Variants in MAMLD1 observed in about 807,000 individuals in gnomAD.
MAMLD1 encodes the protein mastermind-like domain-containing protein 1.
A neutral mutation model predicts 45.0 loss-of-function variants in MAMLD1; 14 were observed. That is an observed-to-expected ratio of 0.31 (90% CI 0.21 to 0.49). MAMLD1 has a LOEUF of 0.49. MAMLD1 is among the 20% of genes least tolerant of loss of function. MAMLD1 has a pLI of 0.99. For synonymous variants in MAMLD1, 254 were observed against 247.8 expected, an observed-to-expected ratio of 1.02 and a Z score of -0.24; for missense variants, 543 against 603.6, an observed-to-expected ratio of 0.90 and a Z score of 1.05.
chrX:150,500,249 A>C (rs1470162270), intron 5 of MAMLD1, among the ~76,000 whole-genome samples: 1 of 111,799 alleles, frequency 8.9e-6, no homozygotes, highest in Admixed American at 9.4e-5. Flanking sequence ...AATCATGGAG[A>C]AAGGGCATTC....
At chrX:150,446,225 AAC>A (rs2035483849) in intron 2 of MAMLD1, among the ~76,000 whole-genome samples, 1 of 112,174 alleles carries the variant, frequency 8.9e-6, no homozygotes, top group East Asian at 2.8e-4. Context: ...AAAAGCCTGC[AAC>A]ACCACCAATC....
intron 1 of MAMLD1, among the ~76,000 whole-genome samples, chrX:150,383,070 A>G (rs1239864345): frequency 8.7e-5 from 5 of 57,568 alleles, no homozygotes; most frequent in Admixed American, 1.5e-4. Context: ...ACGCCCGGCT[A>G]ATTTCTTGTA....
chrX:150,419,690 A>G (rs1408096273), intron 1 of MAMLD1, among the ~76,000 whole-genome samples: 8 of 79,546 alleles, frequency 1.0e-4, no homozygotes. Context: ...TTTCTCCTTC[A>G]CTTATGAAGC....
At chrX:150,376,516 C>A (rs1203015972) in intron 1 of MAMLD1, among the ~76,000 whole-genome samples, 6 of 110,737 alleles carry the variant, frequency 5.4e-5, no homozygotes, top group African/African-American at 2.0e-4. Flanking sequence ...AGCTTGCAAC[C>A]CACTGCTTGC....
At chrX:150,393,941 G>A (rs1266966178) in intron 1 of MAMLD1, among the ~76,000 whole-genome samples, 1 of 110,427 alleles carries the variant, frequency 9.1e-6, no homozygotes. Context: ...TGAAGTCCAG[G>A]TTATTAATTC....
intron 1 of MAMLD1, among the ~76,000 whole-genome samples, chrX:150,429,917 G>A (rs1018391771): frequency 4.6e-5 from 5 of 109,054 alleles, no homozygotes; most frequent in Admixed American, 2.9e-4. Context: ...GATGTTGAAC[G>A]TCTTTGCATG....
upstream of MAMLD1, chrX:150,361,789 C>T (rs2030999623): frequency 8.9e-6 from 1 of 112,965 alleles, no homozygotes; most frequent in South Asian, 3.6e-4. Context: ...AGTCGCTGGA[C>T]TCGGCGCCAG....
At chrX:150,450,920 C>T (rs782138589) in intron 2 of MAMLD1, among the ~76,000 whole-genome samples, 43 of 112,993 alleles carry the variant, frequency 3.8e-4, no homozygotes, top group Non-Finnish European at 6.8e-4. Context: ...GCTCCCTTTG[C>T]TCCCTCCTCC....
intron 1 of MAMLD1, among the ~76,000 whole-genome samples, chrX:150,439,413 A>T (rs1218782029): frequency 8.9e-6 from 1 of 111,917 alleles, no homozygotes; most frequent in South Asian, 3.7e-4. Context: ...ATTCAAGGTC[A>T]TGAAGATTTA....
At chrX:150,420,401 A>G (rs1357804142) in intron 1 of MAMLD1, among the ~76,000 whole-genome samples, 1 of 106,870 alleles carries the variant, frequency 9.4e-6, no homozygotes, top group Non-Finnish European at 1.9e-5. Context: ...CCCATAGCTC[A>G]GAGTAATTTG....
intron 3 of MAMLD1, among the ~76,000 whole-genome samples, chrX:150,464,132 C>T (rs868946612): frequency 2.4e-3 from 270 of 111,610 alleles, no homozygotes; most frequent in Admixed American, 4.5e-3. Context: ...AGTGGCTTGC[C>T]CACAGCCACA....
chrX:150,440,525 T>A (rs1215900372), intron 1 of MAMLD1, among the ~76,000 whole-genome samples: 1 of 111,027 alleles, frequency 9.0e-6, no homozygotes, highest in Non-Finnish European at 1.9e-5. Flanking sequence ...TGAATTTGAT[T>A]TCTTTCATAA....
intron 2 of MAMLD1, among the ~76,000 whole-genome samples, chrX:150,459,231 G>A (rs1489861183): frequency 2.7e-5 from 3 of 111,650 alleles, no homozygotes; most frequent in Admixed American, 9.5e-5. Context: ...CCCCCAGGAG[G>A]CCCTGGACCA....
At chrX:150,398,330 A>AAGG in intron 1 of MAMLD1, among the ~76,000 whole-genome samples, 1 of 82,994 alleles carries the variant, frequency 1.2e-5, no homozygotes, top group Non-Finnish European at 2.5e-5. Flanking sequence ...GAAGAAGAAG[A>AAGG]AGAAGAAGAA....
chrX:150,399,880 T>A (rs782210043), intron 1 of MAMLD1, among the ~76,000 whole-genome samples: 1 of 112,421 alleles, frequency 8.9e-6, no homozygotes, highest in Non-Finnish European at 1.9e-5. Context: ...GAAAGAACAA[T>A]TGAGCAGGCT....
At chrX:150,457,832 G>T (rs1479766388) in intron 2 of MAMLD1, among the ~76,000 whole-genome samples, 1 of 112,406 alleles carries the variant, frequency 8.9e-6, no homozygotes, top group East Asian at 2.8e-4. Flanking sequence ...TTCCATTTGG[G>T]ATGATGAAAA....
At chrX:150,480,400 T>G (rs1185739028) in intron 5 of MAMLD1, among the ~76,000 whole-genome samples, 1 of 112,185 alleles carries the variant, frequency 8.9e-6, no homozygotes, top group East Asian at 2.8e-4. Flanking sequence ...AAACACTGCT[T>G]TTGTTTGTTT....
chrX:150,368,778 A>G (rs1194550047), intron 1 of MAMLD1, among the ~76,000 whole-genome samples: 52 of 112,279 alleles, frequency 4.6e-4, no homozygotes, highest in Non-Finnish European at 7.7e-4. Flanking sequence ...CTTTCTACAT[A>G]TGGCTAGCCA....
intron 1 of MAMLD1, among the ~76,000 whole-genome samples, chrX:150,405,188 G>A (rs1244660822): frequency 8.9e-6 from 1 of 112,179 alleles, no homozygotes; most frequent in Non-Finnish European, 1.9e-5. Context: ...GTTGGCAGAG[G>A]TTCATGATTT....
Sources: allele counts gnomAD v4.1 joint callset (sites outside exome capture counted in the v4.1 genomes callset), GRCh38; gene constraint gnomAD v4.1.1; transcripts MANE v1.5; gene names NCBI Gene and HGNC (gene_info 2026-07-23, HGNC 2026-07-21).